Variants in GRM8 observed in about 807,000 individuals in gnomAD.
GRM8 encodes metabotropic glutamate receptor 8.
Under a neutral mutation model 87.2 loss-of-function variants are expected in GRM8, and 47 were observed. The ratio of observed to expected loss-of-function variants is 0.54; its 90% confidence interval spans 0.43 to 0.69. GRM8 has a LOEUF of 0.69. GRM8 is among the 30% of genes least tolerant of loss of function. The probability of loss-of-function intolerance (pLI) is 0.00; values close to 1 mark genes in which losing one functional copy is unlikely to be tolerated. For synonymous variants in GRM8, 396 were observed against 404.5 expected (o/e 0.98, Z 0.25); for missense variants, 1,019 against 1,139.2 (o/e 0.89, Z 1.52).
At chr7:126,998,792 A>G (rs1813428908) in intron 3 of GRM8, among the ~76,000 whole-genome samples, 1 of 151,744 alleles carries the variant, frequency 6.6e-6, no homozygotes, top group Non-Finnish European at 1.5e-5. Flanking sequence ...TCCATGTTCA[A>G]GGATTGAAGG....
chr7:126,806,788 C>T (rs1181572733), intron 6 of GRM8, among the ~76,000 whole-genome samples: 1 of 152,240 alleles, frequency 6.6e-6, no homozygotes, highest in Non-Finnish European at 1.5e-5. Context: ...TGCCTGCCGG[C>T]TGTGCCGCTG....
At chr7:127,000,267 A>G (rs752104904) in intron 3 of GRM8, among the ~76,000 whole-genome samples, 8 of 151,654 alleles carry the variant, frequency 5.3e-5, no homozygotes, top group Admixed American at 2.6e-4. Context: ...GTGGTGGGGC[A>G]GGGAGTGGGA....
At chr7:126,572,409 A>G (rs1022667523) in intron 8 of GRM8, among the ~76,000 whole-genome samples, 4 of 152,226 alleles carry the variant, frequency 2.6e-5, no homozygotes, top group African/African-American at 4.8e-5. Context: ...ATAGATAGAC[A>G]TGAATGTCTA....
At chr7:126,488,201 A>G (rs1490149547) in intron 9 of GRM8, among the ~76,000 whole-genome samples, 2 of 152,044 alleles carry the variant, frequency 1.3e-5, no homozygotes, top group Non-Finnish European at 2.9e-5. Context: ...CAGGAAGTTC[A>G]TGGTAGCGAA....
At chr7:126,506,118 C>T (rs1810427623) in intron 9 of GRM8, among the ~76,000 whole-genome samples, 1 of 152,062 alleles carries the variant, frequency 6.6e-6, no homozygotes, top group South Asian at 2.1e-4. Flanking sequence ...GCTTATTTCA[C>T]TTAGCATAGT....
chr7:126,901,821 A>T (rs1444747342), intron 6 of GRM8, among the ~76,000 whole-genome samples: 1 of 152,192 alleles, frequency 6.6e-6, no homozygotes, highest in Non-Finnish European at 1.5e-5. Context: ...AGTATTCTTT[A>T]AATTTCATTT....
intron 2 of GRM8, among the ~76,000 whole-genome samples, chr7:127,207,947 T>C (rs1381911336): frequency 7.2e-5 from 11 of 152,134 alleles, no homozygotes; most frequent in Admixed American, 7.2e-4. Flanking sequence ...CTCTAGCAGT[T>C]AAACCAGCAC....
At chr7:126,804,746 G>C (rs1349694246) in intron 6 of GRM8, among the ~76,000 whole-genome samples, 1 of 152,100 alleles carries the variant, frequency 6.6e-6, no homozygotes, top group Non-Finnish European at 1.5e-5. Context: ...TGTGGTAGTT[G>C]GTATGCCTCT....
At chr7:127,160,869 C>G (rs1793067861) in intron 2 of GRM8, among the ~76,000 whole-genome samples, 1 of 150,482 alleles carries the variant, frequency 6.6e-6, no homozygotes. Flanking sequence ...CCCACCTCGA[C>G]TGAGCTCTCT....
intron 6 of GRM8, among the ~76,000 whole-genome samples, chr7:126,772,741 G>T (rs939002133): frequency 2.6e-5 from 4 of 151,978 alleles, no homozygotes; most frequent in African/African-American, 7.2e-5. Flanking sequence ...AAGAGTCAAA[G>T]AACACAATTC....
chr7:127,191,241 G>A (rs370333121), intron 2 of GRM8, among the ~76,000 whole-genome samples: 6 of 152,074 alleles, frequency 3.9e-5, no homozygotes, highest in African/African-American at 7.2e-5. Context: ...CAGAAGAAGC[G>A]TCACATTGAA....
chr7:126,760,064 T>C (rs1285691836), intron 7 of GRM8, among the ~76,000 whole-genome samples: 1 of 152,146 alleles, frequency 6.6e-6, no homozygotes, highest in South Asian at 2.1e-4. Flanking sequence ...TCTTCTCTGT[T>C]CCTACATCTG....
intron 6 of GRM8, among the ~76,000 whole-genome samples, chr7:126,790,352 A>T (rs1293392474): frequency 2.6e-5 from 4 of 152,132 alleles, no homozygotes; most frequent in Non-Finnish European, 4.4e-5. Flanking sequence ...TCTGCTTTTT[A>T]AAAAATGCAT....
intron 7 of GRM8, among the ~76,000 whole-genome samples, chr7:126,702,922 C>T (rs1334735608): frequency 2.6e-5 from 4 of 151,922 alleles, no homozygotes; most frequent in Admixed American, 6.6e-5. Context: ...AATTCCAGAC[C>T]GAGAAAATAG....
chr7:126,649,550 C>G (rs928391736), intron 7 of GRM8, among the ~76,000 whole-genome samples: 4 of 152,114 alleles, frequency 2.6e-5, no homozygotes, highest in African/African-American at 7.2e-5. Flanking sequence ...ATATATATAT[C>G]TATCCTATTA....
intron 6 of GRM8, among the ~76,000 whole-genome samples, chr7:126,814,625 A>T (rs1793602008): frequency 6.6e-6 from 1 of 152,024 alleles, no homozygotes; most frequent in Non-Finnish European, 1.5e-5. Flanking sequence ...TTTGTTTTTC[A>T]ATCTTCTTAC....
Position 126,533,064 on chromosome 7 carries a change from A to G in GRM8, c.2318T>C (p.Val773Ala). 2 of 1,613,442 alleles carry G rather than the reference A, an allele frequency of 1.2e-6. No individual in the cohort carries two copies. Among genetic ancestry groups the G allele is most frequent in the African/African-American group, 2.7e-5 (2 of 74,910 alleles). Residue 773 changes from valine to alanine, a missense_variant, in exon 9 of 11, where the codon GTC becomes GCC. By Grantham distance (64) the Val-to-Ala change is moderately conservative. Coordinates refer to ENST00000339582, the MANE Select transcript of GRM8 (RefSeq NM_000845.3). ...CTVYAIKTRGVPETFNEAKPI... is the reference protein window; with the variant it reads ...CTVYAIKTRGAPETFNEAKPI... ...TTTGGCTTCATTGAAAGTCTCTGGG[A>G]CACCTCTCGTTTTAATGGCATAAAC... is the stretch of plus-strand genomic sequence containing the variant.
At position 126,740,749 on chromosome 7, in the gene GRM8, T is replaced by C. The variant is rs528060464; in HGVS notation, c.1357+29116A>G. On this transcript the variant is annotated intron_variant, in intron 7 of 10. Coordinates refer to ENST00000339582, the MANE Select transcript of GRM8 (RefSeq NM_000845.3). ...GAGATTCCTCTTTCCACAGGTGGTT[T>C]TGGCAGCAGAGTCTTGTCTTAAAGA... Among the ~76,000 whole-genome samples, 21 of 152,286 alleles carry C rather than the reference T, an allele frequency of 1.4e-4. No homozygotes were observed. In the East Asian group the frequency reaches 2.9e-3, roughly 21 times the overall value.
chr7:126,866,685 C>T (rs945682517), intron 6 of GRM8, among the ~76,000 whole-genome samples: 2 of 142,940 alleles, frequency 1.4e-5, no homozygotes, highest in South Asian at 2.2e-4. Flanking sequence ...TCCGCCTCCC[C>T]GATTCAAGCA....
Sources: allele counts gnomAD v4.1 joint callset (sites outside exome capture counted in the v4.1 genomes callset), GRCh38; gene constraint gnomAD v4.1.1; transcripts MANE v1.5; gene names NCBI Gene and HGNC (gene_info 2026-07-23, HGNC 2026-07-21).